PPARA: variants seen among roughly 807,000 people sequenced by gnomAD.
The protein encoded by PPARA is peroxisome proliferator-activated receptor alpha.
A neutral mutation model predicts 42.2 loss-of-function variants in PPARA; 22 were observed. That is an observed-to-expected ratio of 0.52 (90% CI 0.37 to 0.74). PPARA has a LOEUF of 0.74. Among genes scored for constraint, PPARA ranks in the 30% least tolerant of loss-of-function variants. The probability of loss-of-function intolerance (pLI) is 0.00; values close to 1 mark genes in which losing one functional copy is unlikely to be tolerated. For synonymous variants in PPARA, 242 were observed against 239.3 expected (o/e 1.01, Z -0.10); for missense variants, 465 against 608.2 (o/e 0.76, Z 2.48).
At position 46,235,102 on chromosome 22, in the gene PPARA, C is replaced by T. The variant is rs756453202; in HGVS notation, c.1160-31C>T. 1 of 1,613,898 alleles carries T rather than the reference C, an allele frequency of 6.2e-7. No homozygotes were observed. Among genetic ancestry groups the T allele is most frequent in the Non-Finnish European group, 8.5e-7 (1 of 1,179,806 alleles). ...AAGCAGTTCTTGGGTGATTATCACA[C>T]TCAAACCTCTCTCTCTTCTTTCGAG... On this transcript the variant is annotated intron_variant, in intron 8 of 8. Transcript: ENST00000407236. This position sits in a 1 kb window ranked among gnomAD's most constrained non-coding sequence, Gnocchi z 7.0.
intron 3 of PPARA, among the ~76,000 whole-genome samples, chr22:46,179,188 A>G (rs1011018520): frequency 6.6e-6 from 1 of 152,222 alleles, no homozygotes; most frequent in African/African-American, 2.4e-5. Flanking sequence ...CTATCAACAT[A>G]TGAATTTGGA....
In PPARA at chr22:46,165,257, A is replaced by G. The variant is rs1210987615; in HGVS notation, c.-126-11496A>G. The G allele has an allele frequency of 6.6e-6, 1 of 152,228 alleles. No homozygotes were observed. The highest frequency in any genetic ancestry group is 2.4e-5 in the African/African-American group (1 of 41,456). The allele number at this position is 152,228 out of a possible 1,614,324, so 9.4% of individuals were successfully genotyped here. On this transcript the variant is annotated intron_variant, in intron 2 of 8. Coordinates refer to ENST00000407236, the MANE Select transcript of PPARA (RefSeq NM_005036.6). This position sits in a 1 kb window ranked among gnomAD's most constrained non-coding sequence, Gnocchi z 5.5. ...GGCCATGTCAGCCAGGCTGGCCTCA[A>G]ACTCCTGACCGCAGGTGATCCGCCT... is the stretch of plus-strand genomic sequence containing the variant.
chr22:46,154,989 A>T (rs1925044305), intron 2 of PPARA: 1 of 13,052 alleles, frequency 7.7e-5, no homozygotes, highest in African/African-American at 2.4e-4. Context: ...GTCTTTCTTT[A>T]AAAAAAAAAA....
Position 46,184,392 on chromosome 22 carries a change from A to C in PPARA, c.-43+7556A>C, listed in dbSNP as rs1475104002. On this transcript the variant is annotated intron_variant, in intron 3 of 8. Coordinates refer to ENST00000407236, the MANE Select transcript of PPARA (RefSeq NM_005036.6). The surrounding 1 kb of genome is among the most constrained non-coding windows in gnomAD (Gnocchi z 4.4). ...AGACAGAGTCCAGAATCTCAGAGAG[A>C]GACACAGTTACCTTTTAGTTACACT... Among the ~76,000 whole-genome samples, 1 of 152,212 alleles carries C rather than the reference A, an allele frequency of 6.6e-6. No homozygotes were observed. The highest frequency in any genetic ancestry group is 1.5e-5 in the Non-Finnish European group (1 of 68,036).
Position 46,215,194 on chromosome 22 carries a change from G to T in PPARA, c.230G>T (p.Ser77Ile). 2 of 1,614,046 alleles carry T rather than the reference G, an allele frequency of 1.2e-6. No homozygotes were observed. The highest frequency in any genetic ancestry group is 1.7e-6 in the Non-Finnish European group (2 of 1,180,030). The change falls in exon 5 of 9, where the codon AGC becomes ATC. Residue 77 changes from serine (S) to isoleucine (I), a missense_variant. Physicochemically the swap from Ser to Ile is moderately radical, Grantham distance 142. Coordinates refer to ENST00000407236, the MANE Select transcript of PPARA (RefSeq NM_005036.6). The stretch of plus-strand genomic sequence containing the variant: ...CCAGACACGCTTTCACCAGCTTCGA[G>T]CCCCTCCTCGGTGACTTATCCTGTG... The part of the protein sequence containing the change: ...VITDTLSPAS[S>I]PSSVTYPVVP...
chr22:46,157,448 C>T (rs568269836), intron 2 of PPARA, among the ~76,000 whole-genome samples: 1 of 152,194 alleles, frequency 6.6e-6, no homozygotes, highest in African/African-American at 2.4e-5. Flanking sequence ...GCTCTTCTTC[C>T]TTCTGTAGGG....
At chr22:46,205,546 A>G (rs1274402960) in intron 4 of PPARA, among the ~76,000 whole-genome samples, 564 of 32,068 alleles carry the variant, frequency 0.018, 22 homozygotes, top group African/African-American at 0.079. Context: ...ATATATATAT[A>G]TATATATATT....
rs1601814924 is a variant in PPARA at position 46,227,984 on chromosome 22, T to C, written c.712-3808T>C. ...ATTGGTTTCTTCATGGTACCACTCATTTTGAATTCAGTGGTCTCCAGTTCT... is the reference window on the plus strand; with the variant it reads ...ATTGGTTTCTTCATGGTACCACTCACTTTGAATTCAGTGGTCTCCAGTTCT... On this transcript the variant is annotated intron_variant, in intron 7 of 8. Transcript: ENST00000407236. The surrounding 1 kb of genome is among the most constrained non-coding windows in gnomAD (Gnocchi z 4.3). Among the ~76,000 whole-genome samples, 1 of 152,254 alleles carries C rather than the reference T, an allele frequency of 6.6e-6. No individual in the cohort carries two copies. The highest frequency in any genetic ancestry group is 2.4e-5 in the African/African-American group (1 of 41,468).
In PPARA at chr22:46,185,956, T is replaced by C. The variant is rs1303060231; in HGVS notation, c.-43+9120T>C. ...ATATATATATATATATATATATATA[T>C]ATATATATACACACACACTAACCTT... On this transcript the variant is annotated intron_variant, in intron 3 of 8. Coordinates refer to ENST00000407236, the MANE Select transcript of PPARA (RefSeq NM_005036.6). Among the ~76,000 whole-genome samples the C allele has an allele frequency of 5.4e-3, 306 of 56,352 alleles. 23 individuals are homozygous for C. Among genetic ancestry groups the C allele is most frequent in the African/African-American group, 0.019 (289 of 14,848 alleles). 37.0% of individuals were successfully genotyped at this position (56,352 alleles called of 152,430 possible). A position where few individuals can be genotyped will look rare whatever the true frequency, so the allele number is the denominator to read the frequency against.
Position 46,227,297 on chromosome 22 carries a change from G to A in PPARA, c.712-4495G>A, listed in dbSNP as rs945561851. Among the ~76,000 whole-genome samples, 22 of 151,938 alleles carry A rather than the reference G, an allele frequency of 1.4e-4. 1 individual carries two copies. Among genetic ancestry groups the A allele is most frequent in the African/African-American group, 5.1e-4 (21 of 41,374 alleles). Reference sequence around the variant, plus strand: ...GACTGAGTCTCACTCTCTTGCCCAGGCTGGAGTGCAGTGGCGCAATCTCAG... The same window carrying A: ...GACTGAGTCTCACTCTCTTGCCCAGACTGGAGTGCAGTGGCGCAATCTCAG... On this transcript the variant is annotated intron_variant, in intron 7 of 8. Coordinates refer to ENST00000407236, the MANE Select transcript of PPARA (RefSeq NM_005036.6). This position sits in a 1 kb window ranked among gnomAD's most constrained non-coding sequence, Gnocchi z 4.3.
At chr22:46,185,918 T>A (rs4823586) in intron 3 of PPARA, among the ~76,000 whole-genome samples, 2,603 of 10,838 alleles carry the variant, frequency 0.24, 145 homozygotes, top group East Asian at 0.3. Flanking sequence ...AAAAAAAAAA[T>A]ATATATATAT....
Position 46,163,084 on chromosome 22 carries a change from A to G in PPARA, c.-127+11114A>G, listed in dbSNP as rs1926461399. Among the ~76,000 whole-genome samples the G allele has an allele frequency of 6.6e-6, 1 of 152,146 alleles. No individual in the cohort carries two copies. The highest frequency in any genetic ancestry group is 2.1e-4 in the South Asian group (1 of 4,806). ...CGGAGGGAAACTGAGAGCAGCCTGC[A>G]GAGGGGAAAGAGCGGGGACAGAGGG... On this transcript the variant is annotated intron_variant, in intron 2 of 8. Transcript: ENST00000407236. This position sits in a 1 kb window ranked among gnomAD's most constrained non-coding sequence, Gnocchi z 4.9.
chr22:46,177,954 T>C (rs1190882506), intron 3 of PPARA, among the ~76,000 whole-genome samples: 1 of 152,170 alleles, frequency 6.6e-6, no homozygotes, highest in Non-Finnish European at 1.5e-5. Context: ...AGGCTTTAAG[T>C]ATCTAGCTAA....
rs144938970 is a variant in PPARA, at chr22:46,198,509, C to T, written c.126C>T (p.Gly42=). The T allele has an allele frequency of 3.2e-5, 51 of 1,613,830 alleles. No individual in the cohort carries two copies. Among genetic ancestry groups the T allele is most frequent in the African/African-American group, 2.9e-4 (22 of 74,846 alleles). The change falls in exon 4 of 9, where the codon GGC becomes GGT. Residue 42 remains glycine (G), a synonymous_variant. Coordinates refer to ENST00000407236, the MANE Select transcript of PPARA (RefSeq NM_005036.6). ...TCCAAGAGATTTCGCAATCCATCGGCGAGGATAGTTCTGGAAGCTTTGGCT... is the reference window on the plus strand; with the variant it reads ...TCCAAGAGATTTCGCAATCCATCGGTGAGGATAGTTCTGGAAGCTTTGGCT... ...GNIQEISQSI[G]EDSSGSFGFT...
intron 2 of PPARA, among the ~76,000 whole-genome samples, chr22:46,170,145 A>C (rs1394527088): frequency 5.3e-5 from 8 of 151,618 alleles, no homozygotes; most frequent in African/African-American, 1.9e-4. Flanking sequence ...TTGTTCTGCA[A>C]CCAGTCTTGT....
At chr22:46,181,387 G>A (rs1055756882) in intron 3 of PPARA, among the ~76,000 whole-genome samples, 3 of 152,194 alleles carry the variant, frequency 2.0e-5, no homozygotes, top group South Asian at 2.1e-4. Context: ...GCAGGCTGTG[G>A]CAGGAATAAG....
chr22:46,159,793 A>G (rs901074709), intron 2 of PPARA, among the ~76,000 whole-genome samples: 1 of 152,116 alleles, frequency 6.6e-6, no homozygotes, highest in Non-Finnish European at 1.5e-5. Flanking sequence ...GGGAGAGGGT[A>G]TTTAAATGTG....
Position 46,218,350 on chromosome 22 carries a change from T to C in PPARA, c.457T>C (p.Cys153Arg), listed in dbSNP as rs1311896146. The C allele has an allele frequency of 6.2e-7, 1 of 1,613,956 alleles. No individual in the cohort carries two copies. Among genetic ancestry groups the C allele is most frequent in the Non-Finnish European group, 8.5e-7 (1 of 1,180,010 alleles). ...CKIQKKNRNK[C>R]QYCRFHKCLS... ...GATCCAGAAAAAGAACAGAAACAAATGCCAGTATTGTCGATTTCACAAGTG... is the reference window on the plus strand; with the variant it reads ...GATCCAGAAAAAGAACAGAAACAAACGCCAGTATTGTCGATTTCACAAGTG... Residue 153 changes from cysteine to arginine, a missense_variant, in exon 6 of 9, where the codon TGC becomes CGC. Coordinates refer to ENST00000407236, the MANE Select transcript of PPARA (RefSeq NM_005036.6).
At chr22:46,181,313 G>T (rs1555208) in intron 3 of PPARA, among the ~76,000 whole-genome samples, 10,224 of 152,178 alleles carry the variant, frequency 0.067, 481 homozygotes, top group Non-Finnish European at 0.095. Flanking sequence ...GCTCTGAGGC[G>T]AGTGTGTGAT....
Sources: allele counts gnomAD v4.1 joint callset (sites outside exome capture counted in the v4.1 genomes callset), GRCh38; gene constraint gnomAD v4.1.1; non-coding constraint Gnocchi (gnomAD v3.1); transcripts MANE v1.5; gene names NCBI Gene and HGNC (gene_info 2026-07-23, HGNC 2026-07-21).